The following MYL12B variants were observed in gnomAD, a reference collection of about 807,000 sequenced individuals.
MYL12B encodes myosin light chain 12B, also known as myosin regulatory light chain 12B.
MYL12B carries 3 observed loss-of-function variants against 12.9 expected under a neutral mutation model. That is an observed-to-expected ratio of 0.23 (90% CI 0.11 to 0.60). MYL12B has a LOEUF of 0.60. Among genes scored for constraint, MYL12B ranks in the 20% least tolerant of loss-of-function variants. MYL12B has a pLI of 0.89. For missense variants in MYL12B, 120 were observed against 215.4 expected, an observed-to-expected ratio of 0.56 and a Z score of 2.77; for synonymous variants, 57 against 71.9, an observed-to-expected ratio of 0.79 and a Z score of 1.05.
In MYL12B at chr18:3,273,010, T is replaced by G; in HGVS notation, c.112T>G (p.Phe38Val). 5.0e-6 allele frequency: 8 copies of G among 1,613,492 alleles called. No homozygotes were observed. Among genetic ancestry groups the G allele is most frequent in the Non-Finnish European group, 6.8e-6 (8 of 1,179,704 alleles). Residue 38 changes from phenylalanine (F) to valine (V), a missense_variant, in exon 2 of 4, where the codon TTC (phenylalanine) becomes GTC (valine). Transcript: ENST00000237500. ...ACAGATTCAGGAGTTCAAAGAGGCC[T>G]TCAACATGATTGATCAGAACAGAGA... ...QSQIQEFKEA[F>V]NMIDQNRDGF... is the part of the protein sequence containing the mutation.
intron 3 of MYL12B, 121 bp from the exon 4 acceptor site, chr18:3,277,644 T>C: frequency 7.5e-6 from 10 of 1,336,484 alleles, no homozygotes; most frequent in Non-Finnish European, 9.0e-6. Context: ...GTTCACTAAC[T>C]TACTTTGTTT....
At chr18:3,273,144 T>C in intron 2 of MYL12B, 62 bp downstream of exon 2, 2 of 1,430,914 alleles carry the variant, frequency 1.4e-6, no homozygotes, top group South Asian at 1.5e-5. Context: ...TTTATGAATC[T>C]TTTTTTTGTG....
intron 2 of MYL12B, among the ~76,000 whole-genome samples, chr18:3,273,542 A>ATAGC (rs2081700737): frequency 8.6e-5 from 1 of 11,576 alleles, no homozygotes; most frequent in African/African-American, 2.8e-4. Flanking sequence ...GATTTTTTTA[A>ATAGC]TAACTAAAAT....
chr18:3,272,039 A>C, intron 1 of MYL12B: 1 of 984,898 alleles, frequency 1.0e-6, no homozygotes, highest in Non-Finnish European at 1.2e-6. Flanking sequence ...AAAATAAAAA[A>C]CAGAAGGAAA....
At position 3,273,100 on chromosome 18, in the gene MYL12B, T is replaced by C. The variant is rs144483178; in HGVS notation, c.184+18T>C. 3.3e-4 allele frequency: 509 copies of C among 1,545,990 alleles called. 1 individual carries two copies. The African/African-American group carries it at 6.4e-3, about 19-fold the overall frequency. The stretch of plus-strand genomic sequence containing the variant: ...TTCTCTAGGTAGACTTTATATTCTT[T>C]ATTTGTATTTTCCCTAAAATAATAA... On this transcript the variant is annotated intron_variant, in intron 2 of 3. Transcript: ENST00000237500.
At chr18:3,265,620 C>T (rs62076913) in intron 1 of MYL12B, among the ~76,000 whole-genome samples, 2,298 of 152,286 alleles carry the variant, frequency 0.015, 29 homozygotes, top group Middle Eastern at 0.048. Context: ...TATTTATCAT[C>T]CTTTGCTGAC....
At chr18:3,276,820 T>C (rs920230928) in intron 2 of MYL12B, 5 of 650,256 alleles carry the variant, frequency 7.7e-6, no homozygotes, top group South Asian at 7.0e-5. Context: ...GTGGATCACT[T>C]GAGCTCAGGA....
At chr18:3,263,675 C>T (rs1301559980) in intron 1 of MYL12B, among the ~76,000 whole-genome samples, 1 of 152,220 alleles carries the variant, frequency 6.6e-6, no homozygotes, top group Non-Finnish European at 1.5e-5. Flanking sequence ...TCAAAGGCTC[C>T]AGGTATATCT....
intron 1 of MYL12B, among the ~76,000 whole-genome samples, chr18:3,266,064 A>G (rs986351973): frequency 9.9e-5 from 15 of 152,174 alleles, no homozygotes; most frequent in Admixed American, 9.8e-4. Context: ...TTACTTTTCT[A>G]TTGGTGTATA....
chr18:3,262,529 G>C (rs1282496593), intron 1 of MYL12B: 3 of 152,288 alleles, frequency 2.0e-5, no homozygotes, highest in African/African-American at 4.8e-5. Flanking sequence ...GCCGGGTCCC[G>C]GCCGTGCGTG....
At chr18:3,265,648 C>T (rs2081628822) in intron 1 of MYL12B, among the ~76,000 whole-genome samples, 1 of 152,194 alleles carries the variant, frequency 6.6e-6, no homozygotes, top group Admixed American at 6.5e-5. Context: ...GCTCCTCCCT[C>T]CCCTCCCCAA....
chr18:3,276,462 T>G (rs1006102937), intron 2 of MYL12B: 36 of 985,000 alleles, frequency 3.7e-5, no homozygotes, highest in Admixed American at 6.1e-5. Flanking sequence ...GTGTTCACAC[T>G]TGGAATGGAG....
intron 1 of MYL12B, among the ~76,000 whole-genome samples, chr18:3,264,821 A>G (rs557994600): frequency 9.2e-5 from 14 of 152,230 alleles, no homozygotes; most frequent in African/African-American, 3.4e-4. Flanking sequence ...GTGGTTGCCT[A>G]TGGGAGATGG....
At chr18:3,263,175 A>G (rs1242756267) in intron 1 of MYL12B, 1 of 152,238 alleles carries the variant, frequency 6.6e-6, no homozygotes, top group Non-Finnish European at 1.5e-5. Flanking sequence ...TTGAAAACTT[A>G]GGAGAAAGAA....
rs115541514 is a variant in MYL12B, at chr18:3,267,422, A to G, written c.-16+5185A>G. 9.6e-3 allele frequency among the ~76,000 whole-genome samples: 1,455 copies of G among 152,322 alleles called. 36 individuals are homozygous for G. The highest frequency in any genetic ancestry group is 0.033 in the African/African-American group (1,389 of 41,558). ...AGACAATTTCTGCTTATTAATGATG[A>G]TGGTGTCCATGTTTCTGTTTGCATA... On this transcript the variant is annotated intron_variant, in intron 1 of 3. Transcript: ENST00000237500.
intron 1 of MYL12B, among the ~76,000 whole-genome samples, chr18:3,268,570 A>G (rs1051029253): frequency 6.6e-6 from 1 of 152,180 alleles, no homozygotes; most frequent in Non-Finnish European, 1.5e-5. Context: ...CTGCAACTCT[A>G]TTCTGTACCT....
rs567128964 is a variant in MYL12B at position 3,265,224 on chromosome 18, ATGTCATTAGG to A, written c.-16+2989_-16+2998del. The stretch of plus-strand genomic sequence containing the variant: ...AAATATGCAGCACAAAAGCAATTAT[ATGTCATTAGG>A]TAGATGAGGTTACTTTTGTGAAGTA... On this transcript the variant is annotated intron_variant, in intron 1 of 3. Transcript: ENST00000237500. Among the ~76,000 whole-genome samples, 9 of 152,362 alleles carry A rather than the reference ATGTCATTAGG, an allele frequency of 5.9e-5. No homozygotes were observed. The South Asian group carries it at 1.9e-3, about 32-fold the overall frequency.
intron 1 of MYL12B, among the ~76,000 whole-genome samples, chr18:3,268,163 G>A (rs2081648881): frequency 1.3e-5 from 2 of 152,074 alleles, no homozygotes; most frequent in African/African-American, 4.8e-5. Flanking sequence ...AGATAAGGAG[G>A]GACTGCTGTA....
At chr18:3,269,015 A>G (rs1371667800) in intron 1 of MYL12B, among the ~76,000 whole-genome samples, 1 of 152,168 alleles carries the variant, frequency 6.6e-6, no homozygotes, top group African/African-American at 2.4e-5. Flanking sequence ...GGCTGGAAAA[A>G]TAGCAGGAAC....
Sources: allele counts gnomAD v4.1 joint callset (sites outside exome capture counted in the v4.1 genomes callset), GRCh38; gene constraint gnomAD v4.1.1; transcripts MANE v1.5; gene names NCBI Gene and HGNC (gene_info 2026-07-23, HGNC 2026-07-21).